PAK5: variants seen among roughly 807,000 people sequenced by gnomAD.
PAK5 encodes serine/threonine-protein kinase PAK 5.
A neutral mutation model predicts 65.9 loss-of-function variants in PAK5; 16 were observed. The observed-to-expected ratio is 0.24, with a 90% CI of 0.16 to 0.37. The LOEUF (loss-of-function observed/expected upper bound fraction) is 0.37, where lower values mean the gene tolerates loss of function less well. Among genes scored for constraint, PAK5 ranks in the 10% least tolerant of loss-of-function variants. PAK5 has a pLI of 1.00. For synonymous variants in PAK5, 371 were observed against 354.9 expected (o/e 1.05, Z -0.51); for missense variants, 785 against 903.9 (o/e 0.87, Z 1.69).
intron 1 of PAK5, among the ~76,000 whole-genome samples, chr20:9,751,408 G>C (rs1032338036): frequency 2.0e-5 from 3 of 152,024 alleles, no homozygotes; most frequent in Non-Finnish European, 4.4e-5. Context: ...TCATTAGCTT[G>C]CTTCTCTCTC....
At chr20:9,735,629 A>G (rs1287826600) in intron 1 of PAK5, among the ~76,000 whole-genome samples, 1 of 152,120 alleles carries the variant, frequency 6.6e-6, no homozygotes, top group Non-Finnish European at 1.5e-5. Flanking sequence ...AAGCAAGACT[A>G]AAAAAACAAA....
intron 1 of PAK5, among the ~76,000 whole-genome samples, chr20:9,761,752 A>G (rs1440749025): frequency 6.6e-6 from 1 of 152,190 alleles, no homozygotes; most frequent in African/African-American, 2.4e-5. Context: ...TCACTATTGT[A>G]ATCATTTTAT....
chr20:9,696,680 G>T (rs139186228), intron 2 of PAK5, among the ~76,000 whole-genome samples: 123 of 152,198 alleles, frequency 8.1e-4, no homozygotes, highest in Middle Eastern at 3.4e-3. Flanking sequence ...GTAATAATCA[G>T]AGTAAGAAAA....
intron 1 of PAK5, among the ~76,000 whole-genome samples, chr20:9,796,878 G>C (rs2123727443): frequency 6.6e-6 from 1 of 152,278 alleles, no homozygotes; most frequent in East Asian, 1.9e-4. Flanking sequence ...GAAGGAGCAT[G>C]ATTTATATTC....
intron 1 of PAK5, among the ~76,000 whole-genome samples, chr20:9,776,758 T>G (rs914987500): frequency 6.6e-6 from 1 of 152,114 alleles, no homozygotes; most frequent in Non-Finnish European, 1.5e-5. Context: ...AAGCCCCAGT[T>G]AAATCTTCAG....
At chr20:9,758,031 T>A (rs1014538412) in intron 1 of PAK5, among the ~76,000 whole-genome samples, 1 of 152,212 alleles carries the variant, frequency 6.6e-6, no homozygotes, top group African/African-American at 2.4e-5. Flanking sequence ...CAGAAGGAGT[T>A]TGCTTCAGAA....
At chr20:9,669,902 C>G (rs967882984) in intron 2 of PAK5, among the ~76,000 whole-genome samples, 2 of 151,356 alleles carry the variant, frequency 1.3e-5, no homozygotes, top group East Asian at 3.9e-4. Context: ...AGGTATATCT[C>G]CTAATGCTAT....
chr20:9,766,522 A>AATATATAT (rs74209304), intron 1 of PAK5, among the ~76,000 whole-genome samples: 9 of 34,800 alleles, frequency 2.6e-4, no homozygotes, highest in Admixed American at 5.6e-4. Flanking sequence ...ATTCAAGCAG[A>AATATATAT]ATATATATAT....
chr20:9,765,897 T>A, intron 1 of PAK5, among the ~76,000 whole-genome samples: 1 of 152,124 alleles, frequency 6.6e-6, no homozygotes, highest in East Asian at 1.9e-4. Context: ...GCACTACTCA[T>A]AACCCCAAAC....
chr20:9,669,869 C>T (rs963076816), intron 2 of PAK5, among the ~76,000 whole-genome samples: 7 of 151,714 alleles, frequency 4.6e-5, no homozygotes, highest in African/African-American at 1.7e-4. Flanking sequence ...TGTGCTTTAC[C>T]CATTAACCCA....
intron 1 of PAK5, among the ~76,000 whole-genome samples, chr20:9,718,299 A>G (rs113621393): frequency 3.9e-5 from 6 of 152,060 alleles, no homozygotes; most frequent in African/African-American, 1.4e-4. Flanking sequence ...CCTCACACTC[A>G]AGGATGGCAG....
At chr20:9,779,385 A>G (rs1040091350) in intron 1 of PAK5, among the ~76,000 whole-genome samples, 2 of 150,804 alleles carry the variant, frequency 1.3e-5, no homozygotes, top group South Asian at 2.1e-4. Flanking sequence ...AATTAAATTT[A>G]TAGTTCACTT....
chr20:9,820,848 C>T (rs1350127543), intron 1 of PAK5, among the ~76,000 whole-genome samples: 2 of 123,734 alleles, frequency 1.6e-5, no homozygotes, highest in Non-Finnish European at 3.5e-5. Context: ...CAGGGAAGAG[C>T]AGAACTGTAA....
intron 1 of PAK5, among the ~76,000 whole-genome samples, chr20:9,773,451 A>C (rs2123682268): frequency 6.6e-6 from 1 of 151,118 alleles, no homozygotes; most frequent in African/African-American, 2.4e-5. Context: ...AAGTGTTCTC[A>C]TTGTTCAATT....
At chr20:9,609,104 G>T (rs2046510263) in intron 3 of PAK5, among the ~76,000 whole-genome samples, 1 of 150,922 alleles carries the variant, frequency 6.6e-6, no homozygotes, top group Admixed American at 6.6e-5. Context: ...CAGACACCTG[G>T]GCTTTGTGTA....
chr20:9,724,073 G>A (rs565500732), intron 1 of PAK5, among the ~76,000 whole-genome samples: 1 of 152,218 alleles, frequency 6.6e-6, no homozygotes, highest in Admixed American at 6.5e-5. Flanking sequence ...TACAAATGTA[G>A]CAGAAAATTT....
At chr20:9,711,032 G>A (rs879370494) in intron 2 of PAK5, among the ~76,000 whole-genome samples, 3 of 152,114 alleles carry the variant, frequency 2.0e-5, no homozygotes, top group East Asian at 1.9e-4. Flanking sequence ...CCTGCTTATC[G>A]TGTTCATAAA....
chr20:9,588,262 C>T (rs1568982946), intron 3 of PAK5, among the ~76,000 whole-genome samples: 1 of 152,128 alleles, frequency 6.6e-6, no homozygotes, highest in Non-Finnish European at 1.5e-5. Context: ...ATCTAAAAGC[C>T]AACCAACCAA....
chr20:9,651,666 GATA>G (rs1248189097), intron 2 of PAK5, among the ~76,000 whole-genome samples: 1 of 152,134 alleles, frequency 6.6e-6, no homozygotes, highest in Non-Finnish European at 1.5e-5. Flanking sequence ...AGTAATAAAA[GATA>G]ATGACATGGA....
Sources: gnomAD v4.1 joint callset for allele counts (sites outside exome capture counted in the v4.1 genomes callset) on GRCh38, gnomAD v4.1.1 for gene constraint, MANE v1.5 for transcripts, NCBI Gene and HGNC (gene_info 2026-07-23, HGNC 2026-07-21) for gene names.